The following DNMT3L variants were observed in gnomAD, a reference collection of about 807,000 sequenced individuals.
The protein encoded by DNMT3L is DNA (cytosine-5)-methyltransferase 3-like.
A neutral mutation model predicts 36.2 loss-of-function variants in DNMT3L; 33 were observed. The observed-to-expected ratio is 0.91, with a 90% CI of 0.69 to 1.22. The LOEUF (loss-of-function observed/expected upper bound fraction) is 1.22. Ranked by LOEUF, DNMT3L falls within the 50% of genes most tolerant of loss-of-function variation. DNMT3L has a pLI of 0.00. For missense variants in DNMT3L, 310 were observed against 303.1 expected (o/e 1.02, Z -0.17); for synonymous variants, 117 against 121.7 (o/e 0.96, Z 0.26).
At chr21:44,259,387 TG>T in intron 5 of DNMT3L, 49 bp downstream of exon 5, 1 of 1,559,622 alleles carries the variant, frequency 6.4e-7, no homozygotes, top group Non-Finnish European at 8.8e-7. Context: ...GCTGAAAGGA[TG>T]GGTGTGTCCT....
intron 7 of DNMT3L, among the ~76,000 whole-genome samples, chr21:44,255,468 C>G (rs935573896): frequency 6.8e-6 from 1 of 148,070 alleles, no homozygotes; most frequent in Admixed American, 6.8e-5. Context: ...TGCAGCGAGC[C>G]GAGATCAAGC....
Position 44,258,733 on chromosome 21 carries a change from G to A in DNMT3L, c.345-39C>T. 1 of 1,599,064 alleles carries A rather than the reference G, an allele frequency of 6.3e-7. No individual in the cohort carries two copies. The highest frequency in any genetic ancestry group is 8.5e-7 in the Non-Finnish European group (1 of 1,170,540). ...GAAAACCACAGCAGCGGACATGACAGCCCACCTCTCCTGAGGATGGCAGAG... is the reference window on the plus strand; with the variant it reads ...GAAAACCACAGCAGCGGACATGACAACCCACCTCTCCTGAGGATGGCAGAG... On this transcript the variant is annotated intron_variant, in intron 5 of 11. Coordinates refer to ENST00000628202, the MANE Select transcript of DNMT3L (RefSeq NM_175867.3). This position sits in a 1 kb window ranked among gnomAD's most constrained non-coding sequence, Gnocchi z 6.2.
At chr21:44,259,161 T>C (rs2040292211) in intron 5 of DNMT3L, among the ~76,000 whole-genome samples, 1 of 152,122 alleles carries the variant, frequency 6.6e-6, no homozygotes, top group Non-Finnish European at 1.5e-5. Context: ...ACCCCGGTCA[T>C]GACTGGCAGC....
intron 6 of DNMT3L, among the ~76,000 whole-genome samples, chr21:44,257,267 T>C (rs2040266903): frequency 6.6e-6 from 1 of 152,036 alleles, no homozygotes; most frequent in South Asian, 2.1e-4. Flanking sequence ...TAATCCCAGG[T>C]ACTCAGGAGG....
Position 44,258,465 on chromosome 21 carries a change from G to A in DNMT3L, c.516+58C>T, listed in dbSNP as rs2040282928. On this transcript the variant is annotated intron_variant, in intron 6 of 11. Coordinates refer to ENST00000628202, the MANE Select transcript of DNMT3L (RefSeq NM_175867.3). This position sits in a 1 kb window ranked among gnomAD's most constrained non-coding sequence, Gnocchi z 6.2. ...CTGCATTCTGCAGCGGGAACCGAGG[G>A]AAGGCCGTAAGTCAGGGCCTGCTGC... is the stretch of plus-strand genomic sequence containing the variant. 4 of 1,483,438 alleles carry A rather than the reference G, an allele frequency of 2.7e-6. No individual in the cohort carries two copies. Among genetic ancestry groups the A allele is most frequent in the Non-Finnish European group, 2.7e-6 (3 of 1,110,990 alleles). The allele number at this position is 1,483,438 out of a possible 1,614,324, so 91.9% of individuals were successfully genotyped here.
rs748251572 is a variant in DNMT3L at position 44,254,614 on chromosome 21, C to T, written c.693+3G>A. ...GTGTCTGAGAGTTCACGGCGGTACT[C>T]ACATCCTTCCTCACTGTGTCTGTGA... is the stretch of plus-strand genomic sequence containing the variant. On this transcript the variant is annotated splice_donor_region_variant and intron_variant, in intron 8 of 11. Coordinates refer to ENST00000628202, the MANE Select transcript of DNMT3L (RefSeq NM_175867.3). 3.1e-6 allele frequency: 5 copies of T among 1,613,810 alleles called. No individual in the cohort carries two copies. Among genetic ancestry groups the T allele is most frequent in the Non-Finnish European group, 8.5e-7 (1 of 1,179,866 alleles).
intron 7 of DNMT3L, among the ~76,000 whole-genome samples, 198 bp from the exon 8 acceptor site, chr21:44,254,903 G>T (rs1740203925): frequency 6.6e-6 from 1 of 152,184 alleles, no homozygotes; most frequent in Admixed American, 6.5e-5. Context: ...TTGGCTCACT[G>T]CAACCTCCGC....
intron 6 of DNMT3L, among the ~76,000 whole-genome samples, chr21:44,257,569 T>G (rs1251465583): frequency 6.9e-6 from 1 of 145,448 alleles, no homozygotes; most frequent in Non-Finnish European, 1.5e-5. Flanking sequence ...TAGTCCCAGC[T>G]ACTTGGGAGG....
chr21:44,254,576 C>A lies in DNMT3L; in HGVS notation c.693+41G>T, dbSNP rs766918063. On this transcript the variant is annotated intron_variant, in intron 8 of 11. Transcript: ENST00000628202. ...TTTCCTCTGAGGAAGCTCGCACCCC[C>A]GCTCCCACTACAGTGTCTGAGAGTT... 20 of 1,604,190 alleles carry A rather than the reference C, an allele frequency of 1.2e-5. 1 individual carries two copies. The South Asian group carries it at 2.2e-4, about 18-fold the overall frequency.
At chr21:44,257,301 C>T (rs1273532430) in intron 6 of DNMT3L, among the ~76,000 whole-genome samples, 3 of 152,246 alleles carry the variant, frequency 2.0e-5, no homozygotes, top group Middle Eastern at 3.4e-3. Context: ...CGCTTGAACC[C>T]GGGAGGCCGA....
Position 44,254,708 on chromosome 21 carries a change from G to C in DNMT3L, c.605-3C>G. ...CAAAAAGCCCAAACTCGTCAGCTCT[G>C]GATGGGGAGAGACCAGAAGGGCCCA... On this transcript the variant is annotated splice_polypyrimidine_tract_variant and splice_region_variant and intron_variant, in intron 7 of 11. Transcript: ENST00000628202. The C allele has an allele frequency of 6.2e-7, 1 of 1,613,884 alleles. No individual in the cohort carries two copies. Among genetic ancestry groups the C allele is most frequent in the Non-Finnish European group, 8.5e-7 (1 of 1,179,942 alleles).
chr21:44,259,412 C>G (rs373574642), intron 5 of DNMT3L, 25 bp downstream of exon 5: 24 of 1,611,680 alleles, frequency 1.5e-5, no homozygotes, highest in Middle Eastern at 1.7e-4. Flanking sequence ...CCCCTTCACC[C>G]CCCTGGGCAG....
rs1568917755 is a variant in DNMT3L, at chr21:44,260,805, T to C, written c.141A>G (p.Arg47=). The part of the protein sequence containing the change: ...LIAYEVKANQ[R]NIEDICICCG... ...TATGCAAACACTCACCTTCTATATT[T>C]CGCTGGTTAGCCTTGACTTCATATG... The change falls in exon 3 of 12, where the codon CGA becomes CGG. Residue 47 remains arginine (R), a synonymous_variant. Coordinates refer to ENST00000628202, the MANE Select transcript of DNMT3L (RefSeq NM_175867.3). The C allele has an allele frequency of 6.2e-7, 1 of 1,613,146 alleles. No homozygotes were observed. The highest frequency in any genetic ancestry group is 8.5e-7 in the Non-Finnish European group (1 of 1,179,930).
In DNMT3L at chr21:44,255,561, G is replaced by A. The variant is rs192857400; in HGVS notation, c.604+506C>T. On this transcript the variant is annotated intron_variant, in intron 7 of 11. Coordinates refer to ENST00000628202, the MANE Select transcript of DNMT3L (RefSeq NM_175867.3). ...ACAGCACCAGGCATTTCTGGGATGC[G>A]ATGTCACCTCTGGCTAGGAAATCCA... Among the ~76,000 whole-genome samples the A allele has an allele frequency of 7.2e-5, 11 of 152,096 alleles. No homozygotes were observed. In the East Asian group the frequency reaches 1.9e-3, roughly 27 times the overall value.
chr21:44,259,061 C>T (rs1025992049), intron 5 of DNMT3L, among the ~76,000 whole-genome samples: 2 of 151,974 alleles, frequency 1.3e-5, no homozygotes, highest in African/African-American at 2.4e-5. Context: ...GCTGTAAATA[C>T]GAGGATGGCC....
rs1252610775 is a variant in DNMT3L at position 44,258,304 on chromosome 21, G to A, written c.516+219C>T. Among the ~76,000 whole-genome samples, 4 of 152,174 alleles carry A rather than the reference G, an allele frequency of 2.6e-5. No individual in the cohort carries two copies. Among genetic ancestry groups the A allele is most frequent in the Non-Finnish European group, 4.4e-5 (3 of 68,038 alleles). Reference sequence around the variant, plus strand: ...CTCTCCCATCTGCTACCAGGGCCTCGTTCCTAGGCTTGGAAGCAACAAAAC... The same window carrying A: ...CTCTCCCATCTGCTACCAGGGCCTCATTCCTAGGCTTGGAAGCAACAAAAC... On this transcript the variant is annotated intron_variant, in intron 6 of 11. Transcript: ENST00000628202. This position sits in a 1 kb window ranked among gnomAD's most constrained non-coding sequence, Gnocchi z 6.2.
At chr21:44,260,659 T>C (rs1156758474) in intron 3 of DNMT3L, 136 bp downstream of exon 3, 6 of 1,092,840 alleles carry the variant, frequency 5.5e-6, no homozygotes, top group Non-Finnish European at 6.9e-6. Flanking sequence ...AGTCTCACTA[T>C]GTTGCCTAGG....
chr21:44,256,002 C>T (rs1410866377), intron 7 of DNMT3L, 65 bp downstream of exon 7: 1 of 1,570,954 alleles, frequency 6.4e-7, no homozygotes, highest in African/African-American at 1.4e-5. Flanking sequence ...GGGGGGTGGC[C>T]TGAGGGGCAG....
intron 8 of DNMT3L, among the ~76,000 whole-genome samples, chr21:44,253,620 G>A (rs1051534137): frequency 2.6e-5 from 4 of 152,322 alleles, no homozygotes; most frequent in African/African-American, 9.6e-5. Context: ...TTGGGAGGCT[G>A]AGGCAGGAGA....
Sources: allele counts gnomAD v4.1 joint callset (sites outside exome capture counted in the v4.1 genomes callset), GRCh38; gene constraint gnomAD v4.1.1; non-coding constraint Gnocchi (gnomAD v3.1); transcripts MANE v1.5; gene names NCBI Gene and HGNC (gene_info 2026-07-23, HGNC 2026-07-21).